The following PCYT1B variants were observed in gnomAD, a reference collection of about 807,000 sequenced individuals.
PCYT1B encodes choline-phosphate cytidylyltransferase B.
A neutral mutation model predicts 26.4 loss-of-function variants in PCYT1B; 10 were observed. That is an observed-to-expected ratio of 0.38 (90% CI 0.23 to 0.64). The LOEUF is 0.64. Ranked by LOEUF, PCYT1B falls within the 30% of genes least tolerant of loss-of-function variation. The pLI, the probability that PCYT1B is intolerant of heterozygous loss-of-function variation, is 0.56. For missense variants in PCYT1B, 161 were observed against 292.7 expected (o/e 0.55, Z 3.28); for synonymous variants, 131 against 108.4 (o/e 1.21, Z -1.29).
At chrX:24,602,196 C>T (rs1357799500) in intron 3 of PCYT1B, among the ~76,000 whole-genome samples, 1 of 111,942 alleles carries the variant, frequency 8.9e-6, no homozygotes, top group African/African-American at 3.2e-5. Context: ...CATGAAAAGA[C>T]ATTGAGGAGC....
In PCYT1B at chrX:24,647,041, G is replaced by A; in HGVS notation, c.65C>T (p.Pro22Leu). ...TATTTCCTCCATGGTTTCTGAGGGA[G>A]GCTCATTGGAAAGGGATTTTGGGAT... The part of the protein sequence containing the change: ...TGIPKSLSNE[P>L]PSETMEEIEH... The change falls in exon 1 of 8, where the codon CCT (proline) becomes CTT (leucine). Residue 22 changes from proline (P) to leucine (L), a missense_variant. This residue lies in a region of PCYT1B where 51 missense variants were observed against 51.0 expected (regional missense o/e 1.00). Transcript: ENST00000379144. 8.3e-7 allele frequency: 1 copy of A among 1,210,958 alleles called. No homozygotes were observed.
rs766805431 is a variant in PCYT1B, at chrX:24,593,889, A to AATAT, written c.335-3719_335-3716dup. Among the ~76,000 whole-genome samples the AATAT allele has an allele frequency of 2.7e-5, 3 of 109,742 alleles. No individual in the cohort carries two copies. In the East Asian group the frequency reaches 8.5e-4, roughly 31 times the overall value. ...ACTAATGAGCTTCTAGATGCATATA[A>AATAT]ATATATATATATATGCCTCTATATC... On this transcript the variant is annotated intron_variant, in intron 3 of 7. Coordinates refer to ENST00000379144, the MANE Select transcript of PCYT1B (RefSeq NM_004845.5).
intron 1 of PCYT1B, among the ~76,000 whole-genome samples, chrX:24,646,059 AG>A (rs1168829666): frequency 3.6e-5 from 4 of 111,973 alleles, no homozygotes; most frequent in African/African-American, 1.3e-4. Flanking sequence ...GCTAAAGGAA[AG>A]GATAGCTTTA....
chrX:24,672,517 A>G, intron 1 of PCYT1B: 2 of 972,261 alleles, frequency 2.1e-6, no homozygotes, highest in Middle Eastern at 2.6e-4. Context: ...TACTTTTTGA[A>G]CTGACTTTGA....
At chrX:24,670,096 GAAAGAAA>G (rs1927217329) in intron 1 of PCYT1B, among the ~76,000 whole-genome samples, 3 of 89,794 alleles carry the variant, frequency 3.3e-5, no homozygotes, top group African/African-American at 8.3e-5. Context: ...AAGAAAGAAA[GAAAGAAA>G]GAAAGAAAGA....
At chrX:24,639,544 C>T (rs2148269431) in intron 1 of PCYT1B, among the ~76,000 whole-genome samples, 1 of 111,395 alleles carries the variant, frequency 9.0e-6, no homozygotes, top group Admixed American at 9.6e-5. Context: ...TCAGCCTTTC[C>T]ACTTCTCCCT....
At chrX:24,573,513 T>C (rs939242200) in intron 7 of PCYT1B, among the ~76,000 whole-genome samples, 1 of 111,280 alleles carries the variant, frequency 9.0e-6, no homozygotes, top group Non-Finnish European at 1.9e-5. Flanking sequence ...CCAACTCTTA[T>C]CAGCAGAGAC....
intron 1 of PCYT1B, among the ~76,000 whole-genome samples, chrX:24,662,288 T>G (rs1339823891): frequency 8.9e-6 from 1 of 112,444 alleles, no homozygotes; most frequent in African/African-American, 3.2e-5. Context: ...GTGGATAGAA[T>G]CAGTGGTTCT....
rs753054149 is a variant in PCYT1B at position 24,562,531 on chromosome X, T to A, written c.898-26A>T. Reference sequence around the variant, plus strand: ...CTAAAGATAAATTGGAGAGAAGGCATCTGTTAACTTTGCAATCTGAGGCAG... The same window carrying A: ...CTAAAGATAAATTGGAGAGAAGGCAACTGTTAACTTTGCAATCTGAGGCAG... On this transcript the variant is annotated intron_variant, in intron 7 of 7. Transcript: ENST00000379144. 1.5e-5 allele frequency: 17 copies of A among 1,162,222 alleles called. No individual in the cohort carries two copies. In the East Asian group the frequency reaches 4.9e-4, roughly 34 times the overall value.
At chrX:24,671,433 C>G (rs1381611643) in intron 1 of PCYT1B, among the ~76,000 whole-genome samples, 1 of 111,000 alleles carries the variant, frequency 9.0e-6, no homozygotes, top group Non-Finnish European at 1.9e-5. Flanking sequence ...ATATACAGTA[C>G]AAATTTCTCC....
chrX:24,603,458 C>T (rs1925028660), intron 3 of PCYT1B, among the ~76,000 whole-genome samples: 1 of 112,205 alleles, frequency 8.9e-6, no homozygotes, highest in South Asian at 3.7e-4. Context: ...CTAGCTCATG[C>T]CTGTAATCCC....
At position 24,599,404 on chromosome X, in the gene PCYT1B, C is replaced by T. The variant is rs768421011; in HGVS notation, c.334+8341G>A. On this transcript the variant is annotated intron_variant, in intron 3 of 7. Coordinates refer to ENST00000379144, the MANE Select transcript of PCYT1B (RefSeq NM_004845.5). The stretch of plus-strand genomic sequence containing the variant: ...CATTCTATCTACACATTTGCATGAA[C>T]AACATATTTCAGCACTTATAACTAT... Among the ~76,000 whole-genome samples, 3 of 111,956 alleles carry T rather than the reference C, an allele frequency of 2.7e-5. No individual in the cohort carries two copies. The East Asian group carries it at 8.3e-4, about 31-fold the overall frequency.
intron 7 of PCYT1B, among the ~76,000 whole-genome samples, chrX:24,571,853 TG>T (rs1923839179): frequency 9.0e-6 from 1 of 110,551 alleles, no homozygotes; most frequent in African/African-American, 3.3e-5. Flanking sequence ...GAGGCTGAGG[TG>T]GGAGGATTGC....
rs756342863 is a variant in PCYT1B, at chrX:24,670,048, AAAAGAAAGAAAGAAAGAAAGAAAG to A, written c.63+2498_63+2521del. ...ACAGAGTAAGACCTTGTCTCAAAAA[AAAAGAAAGAAAGAAAGAAAGAAAG>A]AAAGAAAGAAAGAAAGAAAGAAAGA... On this transcript the variant is annotated intron_variant, in intron 1 of 7. Coordinates refer to the PCYT1B transcript ENST00000379145. Among the ~76,000 whole-genome samples, 437 of 58,051 alleles carry A rather than the reference AAAAGAAAGAAAGAAAGAAAGAAAG, an allele frequency of 7.5e-3. 2 individuals carry two copies. The highest frequency in any genetic ancestry group is 8.6e-3 in the Non-Finnish European group (262 of 30,415). 50.4% of individuals were successfully genotyped at this position (58,051 alleles called of 115,157 possible).
intron 2 of PCYT1B, among the ~76,000 whole-genome samples, chrX:24,616,228 C>CTTTT (rs59287140): frequency 1.6e-4 from 7 of 43,799 alleles, no homozygotes; most frequent in Non-Finnish European, 2.1e-4. Context: ...ACCACCTGGA[C>CTTTT]TTTTTTTTTT....
chrX:24,584,835 C>T (rs1267515445), intron 5 of PCYT1B, among the ~76,000 whole-genome samples: 1 of 111,712 alleles, frequency 9.0e-6, no homozygotes, highest in Admixed American at 9.5e-5. Context: ...CAGCCTTCAA[C>T]TTCTAAAACA....
At chrX:24,660,678 C>CAA (rs35663098) in intron 1 of PCYT1B, among the ~76,000 whole-genome samples, 664 of 63,790 alleles carry the variant, frequency 0.01, 4 homozygotes, top group Non-Finnish European at 0.012. Flanking sequence ...AACTCTATCT[C>CAA]AAAAAAAAAA....
chrX:24,666,365 T>C (rs940908718), intron 1 of PCYT1B, among the ~76,000 whole-genome samples: 1 of 111,742 alleles, frequency 8.9e-6, no homozygotes, highest in African/African-American at 3.2e-5. Flanking sequence ...TATGTAAAGA[T>C]ATATGTAGGA....
intron 1 of PCYT1B, among the ~76,000 whole-genome samples, chrX:24,636,088 A>T (rs1437715300): frequency 9.0e-6 from 1 of 110,840 alleles, no homozygotes; most frequent in Non-Finnish European, 1.9e-5. Context: ...TGCTCACTAG[A>T]CTCTCTTTGG....
Sources: gnomAD v4.1 joint callset for allele counts (sites outside exome capture counted in the v4.1 genomes callset) on GRCh38, gnomAD v4.1.1 for gene constraint, gnomAD v4.1.1 regional missense constraint, MANE v1.5 for transcripts, NCBI Gene and HGNC (gene_info 2026-07-23, HGNC 2026-07-21) for gene names.